Variants in IL10RA observed in about 807,000 individuals in gnomAD.
The protein encoded by IL10RA is interleukin-10 receptor subunit alpha.
Under a neutral mutation model 29.6 loss-of-function variants are expected in IL10RA, and 18 were observed. The ratio of observed to expected loss-of-function variants is 0.61; its 90% confidence interval spans 0.42 to 0.90. IL10RA has a LOEUF of 0.90. IL10RA is among the 40% of genes least tolerant of loss of function. The pLI is 0.00. For synonymous variants in IL10RA, 292 were observed against 294.1 expected, an observed-to-expected ratio of 0.99 and a Z score of 0.07; for missense variants, 634 against 716.6, an observed-to-expected ratio of 0.88 and a Z score of 1.32.
chr11:117,987,772 A>ATCTCGGT, intron 1 of IL10RA: 1 of 177,158 alleles, frequency 5.6e-6, no homozygotes, highest in Non-Finnish European at 1.2e-5. Flanking sequence ...CCATGTGTAG[A>ATCTCGGT]GCCAGAGCTG....
At chr11:117,990,226 G>T (rs2058012648) in intron 3 of IL10RA, among the ~76,000 whole-genome samples, 2 of 152,170 alleles carry the variant, frequency 1.3e-5, no homozygotes, top group Admixed American at 1.3e-4. Context: ...CCAAATGCCT[G>T]CCCACAGGCC....
chr11:117,999,133 A>T lies in IL10RA; in HGVS notation c.1229A>T (p.Glu410Val). The change falls in exon 7 of 7, where the codon GAG becomes GTG. Residue 410 changes from glutamate (E) to valine (V), a missense_variant. Coordinates refer to ENST00000227752, the MANE Select transcript of IL10RA (RefSeq NM_001558.4). Reference sequence around the variant, plus strand: ...GGCATTGACTTAGTTCAAAACTCTGAGGGCCGGGCTGGGGACACACAGGGT... The same window carrying T: ...GGCATTGACTTAGTTCAAAACTCTGTGGGCCGGGCTGGGGACACACAGGGT... Reference protein sequence around the residue: ...DSGIDLVQNSEGRAGDTQGGS... With the variant: ...DSGIDLVQNSVGRAGDTQGGS... 1.2e-6 allele frequency: 2 copies of T among 1,613,312 alleles called. No individual in the cohort carries two copies. Among genetic ancestry groups the T allele is most frequent in the Non-Finnish European group, 1.7e-6 (2 of 1,179,294 alleles).
downstream of IL10RA, chr11:118,001,668 C>G: frequency 3.1e-6 from 1 of 319,012 alleles, no homozygotes. Flanking sequence ...ACCTTGGGCC[C>G]ATTACTTATC....
intron 6 of IL10RA, among the ~76,000 whole-genome samples, chr11:117,996,284 G>C (rs1232634000): frequency 6.6e-6 from 1 of 152,018 alleles, no homozygotes; most frequent in African/African-American, 2.4e-5. Flanking sequence ...CTGGAGAGGG[G>C]ATGCTGGCAG....
rs2058006805 is a variant in IL10RA, at chr11:117,989,185, A to G, written c.189-257A>G. On this transcript the variant is annotated intron_variant, in intron 2 of 6. Coordinates refer to ENST00000227752, the MANE Select transcript of IL10RA (RefSeq NM_001558.4). The surrounding 1 kb of genome is among the most constrained non-coding windows in gnomAD (Gnocchi z 4.5). ...GAGACCAGGCTGTGCTGTAGGAGCC[A>G]GAAAGAATTTCTGGAAGAGCTGGGC... is the stretch of plus-strand genomic sequence containing the variant. Among the ~76,000 whole-genome samples the G allele has an allele frequency of 6.6e-6, 1 of 152,248 alleles. No individual in the cohort carries two copies.
rs1283247801 is a variant in IL10RA at position 117,993,922 on chromosome 11, TA to T, written c.538-74del. ...GAAGGGGGTTGGCTGAAATCACCTCTAAAGGCCCACCAGCTCTCAGTGTCCG... is the reference window on the plus strand; with the variant it reads ...GAAGGGGGTTGGCTGAAATCACCTCTAAGGCCCACCAGCTCTCAGTGTCCG... On this transcript the variant is annotated intron_variant, in intron 4 of 6. Transcript: ENST00000227752. 3 of 1,362,416 alleles carry T rather than the reference TA, an allele frequency of 2.2e-6. No homozygotes were observed. The African/African-American group carries it at 4.3e-5, about 20-fold the overall frequency. The allele number at this position is 1,362,416 out of a possible 1,614,324, so 84.4% of individuals were successfully genotyped here. A position where few individuals can be genotyped will look rare whatever the true frequency, so the allele number is the denominator to read the frequency against.
In IL10RA at chr11:117,999,908, G is replaced by C; in HGVS notation, c.*267G>C. 1.5e-6 allele frequency: 1 copy of C among 651,736 alleles called. No homozygotes were observed. Among genetic ancestry groups the C allele is most frequent in the South Asian group, 1.5e-5 (1 of 66,242 alleles). 40.4% of individuals were successfully genotyped at this position (651,736 alleles called of 1,614,324 possible). A position where few individuals can be genotyped will look rare whatever the true frequency, so the allele number is the denominator to read the frequency against. On this transcript the variant is annotated 3_prime_UTR_variant, in exon 7 of 7. Transcript: ENST00000227752. ...CTGCAGACTCTGGCAGAGCTGAGAAGGGCAGGGACCTTCTCCCTCCTAGGA... is the reference window on the plus strand; with the variant it reads ...CTGCAGACTCTGGCAGAGCTGAGAACGGCAGGGACCTTCTCCCTCCTAGGA...
intron 6 of IL10RA, 133 bp from the exon 7 acceptor site, chr11:117,998,582 A>G: frequency 1.3e-6 from 1 of 788,540 alleles, no homozygotes; most frequent in Non-Finnish European, 2.2e-6. Context: ...ACAAAACAGA[A>G]TACATTCCAG....
intron 3 of IL10RA, among the ~76,000 whole-genome samples, chr11:117,992,820 G>C (rs181863511): frequency 2.0e-5 from 3 of 152,310 alleles, no homozygotes; most frequent in Non-Finnish European, 2.9e-5. Flanking sequence ...GGTTTTTATA[G>C]TTTCAGGTGT....
At chr11:117,987,343 T>G (rs528228394) in intron 1 of IL10RA, 1 of 178,726 alleles carries the variant, frequency 5.6e-6, no homozygotes, top group East Asian at 1.4e-4. Context: ...TGTTTCGAAA[T>G]CAAGGCACTG....
At chr11:117,993,186 G>A (rs2134987893) in intron 3 of IL10RA, 55 bp from the exon 4 acceptor site, 2 of 1,518,716 alleles carry the variant, frequency 1.3e-6, no homozygotes, top group Admixed American at 3.3e-5. Context: ...GGACACCCAG[G>A]CCCTCCTCAG....
chr11:117,986,437 CT>C lies in IL10RA; in HGVS notation c.-30del, dbSNP rs1157742188. 1 of 1,545,568 alleles carries C rather than the reference CT, an allele frequency of 6.5e-7. No individual in the cohort carries two copies. Among genetic ancestry groups the C allele is most frequent in the Admixed American group, 2.0e-5 (1 of 51,064 alleles). On this transcript the variant is annotated 5_prime_UTR_variant, in exon 1 of 7. Transcript: ENST00000227752. ...GCTGGAGGCGCGCAGGCCGGCTCCG[CT>C]CCGGCCCCGGACGATGCGGCGCGCC...
chr11:117,995,577 C>A lies in IL10RA; in HGVS notation c.689-12C>A, dbSNP rs2134991448. 6.2e-7 allele frequency: 1 copy of A among 1,614,186 alleles called. No homozygotes were observed. The highest frequency in any genetic ancestry group is 8.5e-7 in the Non-Finnish European group (1 of 1,180,028). On this transcript the variant is annotated splice_polypyrimidine_tract_variant and intron_variant, in intron 5 of 6. Coordinates refer to ENST00000227752, the MANE Select transcript of IL10RA (RefSeq NM_001558.4). ...GGTGACAGGCCACAAACACATCTCTCTGGGCCTGCAGATTTCACCGTGACC... is the reference window on the plus strand; with the variant it reads ...GGTGACAGGCCACAAACACATCTCTATGGGCCTGCAGATTTCACCGTGACC...
At chr11:117,988,528 G>A (rs774190993) in intron 2 of IL10RA, 26 bp downstream of exon 2, 1 of 1,613,360 alleles carries the variant, frequency 6.2e-7, no homozygotes, top group Non-Finnish European at 8.5e-7. Context: ...GAGGGAGGGG[G>A]AGGGAGGAGT....
chr11:117,995,727 G>A lies in IL10RA; in HGVS notation c.810+17G>A. On this transcript the variant is annotated intron_variant, in intron 6 of 6. Transcript: ENST00000227752. ...AGTGTCCTGGTGAGTCTTGCAAGGA[G>A]GTCACTGCCCCGTCCTTCCCAGCCA... The A allele has an allele frequency of 1.2e-6, 2 of 1,611,270 alleles. No individual in the cohort carries two copies. The highest frequency in any genetic ancestry group is 1.7e-6 in the Non-Finnish European group (2 of 1,179,912).
rs755865901 is a variant in IL10RA at position 117,986,439 on chromosome 11, C to T, written c.-29C>T. 3.0e-5 allele frequency: 46 copies of T among 1,546,718 alleles called. No homozygotes were observed. The East Asian group carries it at 1.1e-3, about 36-fold the overall frequency. On this transcript the variant is annotated 5_prime_UTR_variant, in exon 1 of 7. Transcript: ENST00000227752. The stretch of plus-strand genomic sequence containing the variant: ...TGGAGGCGCGCAGGCCGGCTCCGCT[C>T]CGGCCCCGGACGATGCGGCGCGCCC...
Position 117,994,141 on chromosome 11 carries a change from C to G in IL10RA, c.680C>G (p.Thr227Ser). The change falls in exon 5 of 7, where the codon ACC (threonine) becomes AGC (serine). Residue 227 changes from threonine (T) to serine (S), a missense_variant. Coordinates refer to ENST00000227752, the MANE Select transcript of IL10RA (RefSeq NM_001558.4). ...TCTAAAGAGGAGTGCATCTCCCTCA[C>G]CAGGCAGTGTGAGTCAGCTGGGCTG... ...MWSKEECISLTRQYFTVTNVI... is the reference protein window; with the variant it reads ...MWSKEECISLSRQYFTVTNVI... The G allele has an allele frequency of 6.2e-7, 1 of 1,613,962 alleles. No homozygotes were observed.
At position 118,000,406 on chromosome 11, in the gene IL10RA, C is replaced by T; in HGVS notation, c.*765C>T. On this transcript the variant is annotated 3_prime_UTR_variant, in exon 7 of 7. Coordinates refer to ENST00000227752, the MANE Select transcript of IL10RA (RefSeq NM_001558.4). Reference sequence around the variant, plus strand: ...ATCCCCCTGGGGCACTTGCTGAGGCCAAGCCACTCACATCCTCACTTTGCT... The same window carrying T: ...ATCCCCCTGGGGCACTTGCTGAGGCTAAGCCACTCACATCCTCACTTTGCT... 4.4e-6 allele frequency: 2 copies of T among 454,246 alleles called. No homozygotes were observed. Among genetic ancestry groups the T allele is most frequent in the South Asian group, 1.6e-5 (1 of 64,476 alleles). The allele number at this position is 454,246 out of a possible 1,614,324, so 28.1% of individuals were successfully genotyped here.
downstream of IL10RA, chr11:118,001,586 T>C (rs1346602946): frequency 5.5e-6 from 2 of 363,152 alleles, no homozygotes; most frequent in African/African-American, 4.3e-5. Flanking sequence ...GATGTCACTT[T>C]AAGGAAACAG....
Sources: allele counts gnomAD v4.1 joint callset (sites outside exome capture counted in the v4.1 genomes callset), GRCh38; gene constraint gnomAD v4.1.1; non-coding constraint Gnocchi (gnomAD v3.1); transcripts MANE v1.5; gene names NCBI Gene and HGNC (gene_info 2026-07-23, HGNC 2026-07-21).